Variants in SYNE1 observed in about 807,000 individuals in gnomAD.
SYNE1 encodes spectrin repeat containing nuclear envelope protein 1.
A neutral mutation model predicts 1,111.0 loss-of-function variants in SYNE1; 616 were observed. That is an observed-to-expected ratio of 0.55 (90% CI 0.52 to 0.59). The LOEUF is 0.59. Ranked by LOEUF, SYNE1 falls within the 20% of genes least tolerant of loss-of-function variation. The probability of loss-of-function intolerance (pLI) is 0.00; values close to 1 mark genes in which losing one functional copy is unlikely to be tolerated. For missense variants in SYNE1, 10,006 were observed against 10,417.0 expected (o/e 0.96, Z 1.72); for synonymous variants, 3,855 against 3,825.8 (o/e 1.01, Z -0.28).
rs1402660447 is a variant in SYNE1 at position 152,558,975 on chromosome 6, T to TTTTTATTTATTTA, written c.68-18967_68-18955dup. ...ACAAAACAAGTCTTAACATATTTAA[T>TTTTTATTTATTTA]TTTTATTTATTTATTTATTTATTTA... is the stretch of plus-strand genomic sequence containing the variant. On this transcript the variant is annotated intron_variant, in intron 3 of 145. Coordinates refer to ENST00000367255, the MANE Select transcript of SYNE1 (RefSeq NM_182961.4). Among the ~76,000 whole-genome samples the TTTTTATTTATTTA allele has an allele frequency of 7.0e-3, 1,004 of 143,530 alleles. 13 individuals are homozygous for TTTTTATTTATTTA. The highest frequency in any genetic ancestry group is 0.024 in the African/African-American group (908 of 37,860). 94.2% of individuals were successfully genotyped at this position (143,530 alleles called of 152,430 possible).
intron 6 of SYNE1, chr6:152,511,735 A>C: frequency 2.4e-6 from 2 of 820,018 alleles, no homozygotes; most frequent in Non-Finnish European, 4.0e-6. Flanking sequence ...AAAACAAAGG[A>C]AAGGCAAGAA....
intron 99 of SYNE1, 130 bp from the exon 100 acceptor site, chr6:152,268,295 C>A: frequency 1.4e-6 from 1 of 723,458 alleles, no homozygotes; most frequent in South Asian, 1.5e-5. Flanking sequence ...TTGCATAAAG[C>A]ATGAGGTTTA....
chr6:152,261,846 A>C (rs574262278), intron 101 of SYNE1, among the ~76,000 whole-genome samples, 186 bp downstream of exon 101: 2 of 152,338 alleles, frequency 1.3e-5, no homozygotes, highest in South Asian at 2.1e-4. Context: ...ATTTTCACAT[A>C]TAAATATATA....
intron 22 of SYNE1, among the ~76,000 whole-genome samples, chr6:152,458,552 T>G (rs2098711984): frequency 3.9e-5 from 6 of 152,208 alleles, no homozygotes; most frequent in Admixed American, 3.9e-4. Context: ...GACCATTCCC[T>G]GGAAACAAAC....
At chr6:152,273,499 T>C (rs1460706063) in intron 98 of SYNE1, among the ~76,000 whole-genome samples, 1 of 152,186 alleles carries the variant, frequency 6.6e-6, no homozygotes, top group South Asian at 2.1e-4. Flanking sequence ...AGAAAACTGA[T>C]CCGTAAGAAA....
At chr6:152,523,292 A>G (rs559722269) in intron 5 of SYNE1, among the ~76,000 whole-genome samples, 2 of 152,112 alleles carry the variant, frequency 1.3e-5, no homozygotes, top group Admixed American at 6.5e-5. Context: ...TTTTCCCAGC[A>G]CCATTTATTA....
At chr6:152,499,634 G>A (rs374078641) in intron 10 of SYNE1, among the ~76,000 whole-genome samples, 4 of 152,044 alleles carry the variant, frequency 2.6e-5, no homozygotes, top group African/African-American at 9.7e-5. Context: ...TCACTAGACA[G>A]AATTAGGTTA....
In SYNE1 at chr6:152,373,075, A is replaced by G; in HGVS notation, c.9469T>C (p.Phe3157Leu). Residue 3157 changes from phenylalanine to leucine, a missense_variant, in exon 59 of 146, where the codon TTT (phenylalanine) becomes CTT (leucine). By Grantham distance (22) the Phe-to-Leu change is conservative (BLOSUM62 0). This residue lies in a region of SYNE1 where 4,955 missense variants were observed against 5,017.2 expected (regional missense o/e 0.99). Transcript: ENST00000367255. ...VTAAKEDWKN[F>L]HSNLHQKESA... ...TCTTTTTGGTGGAGATTTGAATGAA[A>G]ATTTTTCCAATCTTCTTTTGCAGCT... The G allele has an allele frequency of 1.2e-6, 2 of 1,614,076 alleles. No individual in the cohort carries two copies. Among genetic ancestry groups the G allele is most frequent in the African/African-American group, 1.3e-5 (1 of 75,024 alleles).
At chr6:152,446,495 A>G (rs1009626706) in intron 29 of SYNE1, among the ~76,000 whole-genome samples, 6 of 152,154 alleles carry the variant, frequency 3.9e-5, no homozygotes, top group African/African-American at 1.4e-4. Flanking sequence ...TAGAGTCTCA[A>G]GCAGATTTAA....
chr6:152,421,426 A>G (rs1285558113), intron 39 of SYNE1, among the ~76,000 whole-genome samples: 1 of 152,160 alleles, frequency 6.6e-6, no homozygotes, highest in African/African-American at 2.4e-5. Flanking sequence ...CAAGTATAAT[A>G]AGACTAAAAT....
In SYNE1 at chr6:152,401,179, A is replaced by G. The variant is rs1028263598; in HGVS notation, c.6988T>C (p.Cys2330Arg). The G allele has an allele frequency of 6.2e-7, 1 of 1,614,030 alleles. No individual in the cohort carries two copies. The highest frequency in any genetic ancestry group is 8.5e-7 in the Non-Finnish European group (1 of 1,180,034). The change falls in exon 47 of 146, where the codon TGT becomes CGT. Residue 2330 changes from cysteine to arginine, a missense_variant. Physicochemically the swap from Cys to Arg is radical, Grantham distance 180. Around this residue, in one of 7 missense-constraint regions of SYNE1, gnomAD observed 4,955 missense variants for 5,017.2 expected, o/e 0.99. Transcript: ENST00000367255. ...FTKVEESLMNCAQNETCEALK... is the reference protein window; with the variant it reads ...FTKVEESLMNRAQNETCEALK... Reference sequence around the variant, plus strand: ...GCTTCACAAGTCTCATTTTGGGCACAGTTCATCAACGATTCTTCCACTTTT... The same window carrying G: ...GCTTCACAAGTCTCATTTTGGGCACGGTTCATCAACGATTCTTCCACTTTT...
At chr6:152,278,712 C>T (rs976995956) in intron 97 of SYNE1, among the ~76,000 whole-genome samples, 3 of 152,074 alleles carry the variant, frequency 2.0e-5, no homozygotes, top group Admixed American at 6.6e-5. Flanking sequence ...CCGCCCACCT[C>T]GGCCTCCCAA....
chr6:152,394,848 T>C (rs1403527924), intron 51 of SYNE1, among the ~76,000 whole-genome samples: 3 of 149,214 alleles, frequency 2.0e-5, no homozygotes, highest in African/African-American at 7.4e-5. Context: ...TGCAGTGGCA[T>C]GATCTCGGCT....
At chr6:152,268,232 TC>T in intron 99 of SYNE1, 67 bp from the exon 100 acceptor site, 1 of 1,283,560 alleles carries the variant, frequency 7.8e-7, no homozygotes, top group Admixed American at 1.7e-5. Flanking sequence ...CAATCATAGT[TC>T]TAGCTATAAA....
At chr6:152,550,975 A>T (rs2099344107) in intron 3 of SYNE1, among the ~76,000 whole-genome samples, 1 of 152,162 alleles carries the variant, frequency 6.6e-6, no homozygotes, top group South Asian at 2.1e-4. Flanking sequence ...CAATCAATAC[A>T]GTGGGAGGAA....
chr6:152,404,116 T>TATATATATAC (rs747022132), intron 46 of SYNE1, 97 bp downstream of exon 46: 96 of 616,506 alleles, frequency 1.6e-4, no homozygotes, highest in East Asian at 6.1e-4. Context: ...TATATATATA[T>TATATATATAC]ACACACACAC....
intron 55 of SYNE1, 121 bp from the exon 56 acceptor site, chr6:152,381,483 G>T: frequency 1.0e-6 from 1 of 955,114 alleles, no homozygotes; most frequent in Non-Finnish European, 1.7e-6. Flanking sequence ...GTGCCACAAG[G>T]ACCCAGAATC....
At chr6:152,213,865 C>A (rs1022937815) in intron 122 of SYNE1, 106 bp from the exon 123 acceptor site, 1 of 1,507,808 alleles carries the variant, frequency 6.6e-7, no homozygotes. Flanking sequence ...TCTAATTGAA[C>A]CACCACAAAG....
chr6:152,125,742 A>G (rs185741271), intron 145 of SYNE1: 3 of 164,114 alleles, frequency 1.8e-5, no homozygotes, highest in African/African-American at 4.8e-5. Flanking sequence ...ATTTACATAT[A>G]TAATTGATAG....
Sources: allele counts gnomAD v4.1 joint callset (sites outside exome capture counted in the v4.1 genomes callset), GRCh38; gene constraint gnomAD v4.1.1; regional missense constraint gnomAD v4.1.1; transcripts MANE v1.5; gene names NCBI Gene and HGNC (gene_info 2026-07-23, HGNC 2026-07-21).